PMM2: variants seen among roughly 807,000 people sequenced by gnomAD.
The protein encoded by PMM2 is phosphomannomutase 2.
Under a neutral mutation model 33.2 loss-of-function variants are expected in PMM2, and 35 were observed. The observed-to-expected ratio is 1.06, with a 90% CI of 0.81 to 1.40. The LOEUF (loss-of-function observed/expected upper bound fraction) is 1.40, where lower values mean the gene tolerates loss of function less well. Ranked by LOEUF, PMM2 falls within the 40% of genes most tolerant of loss-of-function variation. The pLI, the probability that PMM2 is intolerant of heterozygous loss-of-function variation, is 0.00. For synonymous variants in PMM2, 153 were observed against 114.7 expected, an observed-to-expected ratio of 1.33 and a Z score of -2.13; for missense variants, 386 against 306.0, an observed-to-expected ratio of 1.26 and a Z score of -1.95.
At chr16:8,840,828 A>C (rs914172867) in intron 7 of PMM2, among the ~76,000 whole-genome samples, 4 of 151,962 alleles carry the variant, frequency 2.6e-5, no homozygotes, top group African/African-American at 9.7e-5. Flanking sequence ...TCAGATTAAC[A>C]AGAACTGATC....
intron 7 of PMM2, among the ~76,000 whole-genome samples, chr16:8,833,956 A>G (rs1334857950): frequency 1.3e-5 from 2 of 151,066 alleles, no homozygotes; most frequent in African/African-American, 5.0e-5. Flanking sequence ...CCGGCAGTGT[A>G]AACAAGAGCA....
intron 7 of PMM2, among the ~76,000 whole-genome samples, chr16:8,837,980 G>A (rs148890423): frequency 0.012 from 1,816 of 152,194 alleles, 38 homozygotes; most frequent in African/African-American, 0.039. Flanking sequence ...TTTCATGCGC[G>A]TCCGTGTGAA....
chr16:8,837,088 A>AT (rs1396510936), intron 7 of PMM2, among the ~76,000 whole-genome samples: 1 of 151,864 alleles, frequency 6.6e-6, no homozygotes, highest in African/African-American at 2.4e-5. Flanking sequence ...GGGTCTGTAG[A>AT]AAAGGAATAT....
intron 7 of PMM2, among the ~76,000 whole-genome samples, chr16:8,842,573 T>C (rs951502371): frequency 2.6e-5 from 4 of 152,100 alleles, no homozygotes; most frequent in Non-Finnish European, 5.9e-5. Context: ...AGAAGCATCT[T>C]TAAGATCAAG....
chr16:8,814,794 G>C (rs1225080298), intron 7 of PMM2, among the ~76,000 whole-genome samples: 1 of 152,128 alleles, frequency 6.6e-6, no homozygotes, highest in African/African-American at 2.4e-5. Context: ...CTTTGGTTTT[G>C]GGGGCGGTTT....
intron 7 of PMM2, chr16:8,832,393 T>A: frequency 7.1e-6 from 7 of 985,308 alleles, no homozygotes; most frequent in Non-Finnish European, 8.4e-6. Flanking sequence ...AGACCTAGCT[T>A]TATTAAGTGT....
chr16:8,801,151 A>G (rs773952132), intron 1 of PMM2, among the ~76,000 whole-genome samples: 3 of 152,250 alleles, frequency 2.0e-5, no homozygotes, highest in East Asian at 1.9e-4. Context: ...TGCACAGGAC[A>G]TGATTCCATT....
rs777608895 is a variant in PMM2, at chr16:8,801,861, G to C, written c.129G>C (p.Val43=). 9 of 1,612,320 alleles carry C rather than the reference G, an allele frequency of 5.6e-6. No homozygotes were observed. Among genetic ancestry groups the C allele is most frequent in the Non-Finnish European group, 7.6e-6 (9 of 1,178,830 alleles). ...TGAGGCAGAAGATCAAAATCGGAGT[G>C]GTAGGCGGATCGGACTTTGAGAAAG... ...QKLRQKIKIG[V]VGGSDFEKVQ... Residue 43 remains valine (V), a synonymous_variant, in exon 2 of 8, where the codon GTG becomes GTC. Transcript: ENST00000268261.
intron 5 of PMM2, 95 bp from the exon 6 acceptor site, chr16:8,811,543 T>A: frequency 1.2e-6 from 1 of 829,786 alleles, no homozygotes; most frequent in South Asian, 1.4e-5. Context: ...AATAAATAAA[T>A]CAATAAGATA....
intron 7 of PMM2, among the ~76,000 whole-genome samples, chr16:8,828,236 C>T (rs2060789830): frequency 6.6e-6 from 1 of 151,192 alleles, no homozygotes; most frequent in Non-Finnish European, 1.5e-5. Context: ...TTTTCTTTTA[C>T]AAGATTTAGA....
At chr16:8,838,255 G>A (rs1255635378) in intron 7 of PMM2, among the ~76,000 whole-genome samples, 1 of 152,018 alleles carries the variant, frequency 6.6e-6, no homozygotes, top group Non-Finnish European at 1.5e-5. Flanking sequence ...TTCGGGTGGG[G>A]CAGAAACAAA....
chr16:8,839,892 G>T (rs1425498902), intron 7 of PMM2, among the ~76,000 whole-genome samples: 1 of 144,044 alleles, frequency 6.9e-6, no homozygotes, highest in Non-Finnish European at 1.5e-5. Context: ...AAAGGAGAAA[G>T]GTTTTTTAAA....
At chr16:8,805,328 AGAGTGCTGG>A (rs1159697458) in intron 3 of PMM2, among the ~76,000 whole-genome samples, 2 of 151,796 alleles carry the variant, frequency 1.3e-5, no homozygotes, top group Admixed American at 1.3e-4. Context: ...TCAGCCTCCC[AGAGTGCTGG>A]GATTACAGGC....
chr16:8,841,096 T>C (rs1395557079), intron 7 of PMM2, among the ~76,000 whole-genome samples: 1 of 151,984 alleles, frequency 6.6e-6, no homozygotes, highest in Non-Finnish European at 1.5e-5. Context: ...TCCAATCCTT[T>C]TTAAGTTGGA....
chr16:8,847,615 C>G, intron 7 of PMM2, 109 bp from the exon 8 acceptor site: 1 of 788,726 alleles, frequency 1.3e-6, no homozygotes, highest in Non-Finnish European at 2.3e-6. Context: ...GAAACTCTCC[C>G]TGCCCAGTTA....
intron 3 of PMM2, 74 bp downstream of exon 3, chr16:8,804,917 C>G (rs2060638458): frequency 1.1e-6 from 1 of 922,750 alleles, no homozygotes. Context: ...CAATGAATGC[C>G]TCTAGGAAGA....
intron 3 of PMM2, among the ~76,000 whole-genome samples, chr16:8,805,131 C>T (rs533478517): frequency 2.0e-5 from 3 of 152,238 alleles, no homozygotes; most frequent in African/African-American, 7.2e-5. Flanking sequence ...GATCTCAGCT[C>T]ACTACAACCT....
At chr16:8,827,727 T>TATATAC (rs2060778514) in intron 7 of PMM2, among the ~76,000 whole-genome samples, 2 of 12,238 alleles carry the variant, frequency 1.6e-4, no homozygotes, top group Admixed American at 8.0e-4. Flanking sequence ...TGCATATATA[T>TATATAC]ATATATATAT....
At chr16:8,837,121 G>A (rs1229233864) in intron 7 of PMM2, among the ~76,000 whole-genome samples, 1 of 151,880 alleles carries the variant, frequency 6.6e-6, no homozygotes, top group Non-Finnish European at 1.5e-5. Flanking sequence ...GCGACGCTTG[G>A]GGTTGCGACT....
Sources: allele counts gnomAD v4.1 joint callset (sites outside exome capture counted in the v4.1 genomes callset), GRCh38; gene constraint gnomAD v4.1.1; transcripts MANE v1.5; gene names NCBI Gene and HGNC (gene_info 2026-07-23, HGNC 2026-07-21).